Variants in ZNF292 observed in about 807,000 individuals in gnomAD.
ZNF292 encodes the protein zinc finger protein 292.
In ZNF292, 26 loss-of-function variants were observed where a neutral mutation model predicts 217.9. That is an observed-to-expected ratio of 0.12 (90% confidence interval 0.09 to 0.17). The LOEUF (loss-of-function observed/expected upper bound fraction) is 0.17. ZNF292 is among the 10% of genes least tolerant of loss of function. The probability of loss-of-function intolerance (pLI) is 1.00; values close to 1 mark genes in which losing one functional copy is unlikely to be tolerated. For synonymous variants in ZNF292, 1,257 were observed against 1,124.1 expected (o/e 1.12, Z -2.37); for missense variants, 2,904 against 3,175.2 (o/e 0.91, Z 2.05).
intron 5 of ZNF292, among the ~76,000 whole-genome samples, chr6:87,240,121 T>C (rs1000114759): frequency 6.6e-6 from 1 of 152,144 alleles, no homozygotes; most frequent in African/African-American, 2.4e-5. Context: ...AGGCCAAGGC[T>C]GGCAGATCAC....
rs1323898578 is a variant in ZNF292 at position 87,257,997 on chromosome 6, T to G, written c.4368T>G (p.Leu1456=). 16 of 1,613,832 alleles carry G rather than the reference T, an allele frequency of 9.9e-6. No individual in the cohort carries two copies. In the Admixed American group the frequency reaches 1.5e-4, roughly 15 times the overall value. ...TTAAAGATCCATCATTTCTACAGCT[T>G]CTTGCTGAAAATCGCTCGCCAGCAT... ...ACFKDPSFLQ[L]LAENRSPAFL... Residue 1456 remains leucine, a synonymous_variant, in exon 8 of 8, where the codon CTT becomes CTG. Coordinates refer to ENST00000369577, the MANE Select transcript of ZNF292 (RefSeq NM_015021.3).
intron 1 of ZNF292, among the ~76,000 whole-genome samples, chr6:87,168,597 G>C (rs1293726509): frequency 6.6e-6 from 1 of 152,120 alleles, no homozygotes; most frequent in African/African-American, 2.4e-5. Context: ...AGTCTCCCGA[G>C]TAACTGGGAT....
At chr6:87,212,015 C>A (rs546223115) in intron 1 of ZNF292, among the ~76,000 whole-genome samples, 2 of 152,292 alleles carry the variant, frequency 1.3e-5, no homozygotes, top group South Asian at 4.1e-4. Flanking sequence ...ATGCCAGTCG[C>A]AAGTACCAGG....
intron 4 of ZNF292, among the ~76,000 whole-genome samples, chr6:87,227,328 C>T (rs1435022641): frequency 2.0e-5 from 3 of 152,126 alleles, no homozygotes; most frequent in Non-Finnish European, 4.4e-5. Flanking sequence ...ACTCTCTGGG[C>T]AACCAGTATT....
At chr6:87,170,944 T>A (rs1771076378) in intron 1 of ZNF292, among the ~76,000 whole-genome samples, 1 of 152,200 alleles carries the variant, frequency 6.6e-6, no homozygotes, top group Non-Finnish European at 1.5e-5. Context: ...TAAAGTAACA[T>A]TTTCATTTAC....
chr6:87,176,371 TTG>T (rs1771292931), intron 1 of ZNF292, among the ~76,000 whole-genome samples: 1 of 152,168 alleles, frequency 6.6e-6, no homozygotes, highest in Non-Finnish European at 1.5e-5. Flanking sequence ...CAAGGCCTGT[TTG>T]TGCAGATTCT....
At chr6:87,240,327 CAGAGGGAGACCGTGGAAAGAGAGGG>C (rs993916288) in intron 5 of ZNF292, among the ~76,000 whole-genome samples, 31 of 129,974 alleles carry the variant, frequency 2.4e-4, no homozygotes, top group Non-Finnish European at 3.5e-4. Context: ...AGCTCGGCAT[CAGAGGGAGACCGTGGAAAGAGAGGG>C]AGAGGGAGAC....
At chr6:87,202,488 G>T (rs1772125635) in intron 1 of ZNF292, among the ~76,000 whole-genome samples, 1 of 152,018 alleles carries the variant, frequency 6.6e-6, no homozygotes, top group African/African-American at 2.4e-5. Context: ...GGTTCTTACT[G>T]CTTTTATTTC....
At chr6:87,172,916 T>A (rs552259808) in intron 1 of ZNF292, among the ~76,000 whole-genome samples, 63 of 145,190 alleles carry the variant, frequency 4.3e-4, no homozygotes, top group East Asian at 1.6e-3. Flanking sequence ...AAAAAAAAAA[T>A]TTTTTTTTAA....
intron 4 of ZNF292, among the ~76,000 whole-genome samples, chr6:87,221,894 T>C (rs367827342): frequency 6.6e-6 from 1 of 152,174 alleles, no homozygotes; most frequent in East Asian, 1.9e-4. Flanking sequence ...CAATTTATAC[T>C]TAAGTTAATG....
chr6:87,168,246 C>A (rs2127771983), intron 1 of ZNF292, among the ~76,000 whole-genome samples: 1 of 152,196 alleles, frequency 6.6e-6, no homozygotes, highest in Non-Finnish European at 1.5e-5. Flanking sequence ...CTTGTAGGAC[C>A]TCATCATTAC....
chr6:87,196,915 A>G (rs1293946162), intron 1 of ZNF292, among the ~76,000 whole-genome samples: 1 of 152,244 alleles, frequency 6.6e-6, no homozygotes, highest in East Asian at 1.9e-4. Context: ...CCAACAGGGA[A>G]AACAATAGAT....
Position 87,254,891 on chromosome 6 carries a change from A to C in ZNF292, c.1262A>C (p.Asn421Thr). ...NQPDQKYDEE[N>T]LPIPNSLRCE... is the part of the protein sequence containing the mutation. ...CCAGACCAGAAATATGATGAAGAGA[A>C]TCTTCCAATACCAAATTCTTTACGC... The change falls in exon 8 of 8, where the codon AAT becomes ACT. Residue 421 changes from asparagine to threonine, a missense_variant. By Grantham distance (65) the Asn-to-Thr change is moderately conservative. Around this residue, in one of 15 missense-constraint regions of ZNF292, gnomAD observed 313 missense variants for 451.0 expected, o/e 0.69. Transcript: ENST00000369577. 6.2e-7 allele frequency: 1 copy of C among 1,613,866 alleles called. No individual in the cohort carries two copies. The highest frequency in any genetic ancestry group is 8.5e-7 in the Non-Finnish European group (1 of 1,179,814).
chr6:87,218,854 C>T, intron 4 of ZNF292, 123 bp downstream of exon 4: 1 of 1,067,414 alleles, frequency 9.4e-7, no homozygotes. Flanking sequence ...TAAATATCTT[C>T]TGAGGTGTGC....
chr6:87,178,992 A>G (rs1771385173), intron 1 of ZNF292, among the ~76,000 whole-genome samples: 1 of 152,162 alleles, frequency 6.6e-6, no homozygotes, highest in Non-Finnish European at 1.5e-5. Flanking sequence ...ATTAGTTTTG[A>G]ATTTAAGTGA....
At chr6:87,240,214 T>G (rs942503919) in intron 5 of ZNF292, among the ~76,000 whole-genome samples, 2 of 152,080 alleles carry the variant, frequency 1.3e-5, no homozygotes, top group African/African-American at 4.8e-5. Flanking sequence ...CAGTCAGGCG[T>G]GGCGGCATGC....
At chr6:87,241,145 G>A (rs1157466891) in intron 5 of ZNF292, among the ~76,000 whole-genome samples, 4 of 152,100 alleles carry the variant, frequency 2.6e-5, no homozygotes, top group African/African-American at 4.8e-5. Flanking sequence ...TTAGCTGGGC[G>A]TGGTGGCACG....
intron 4 of ZNF292, among the ~76,000 whole-genome samples, chr6:87,222,415 C>G (rs1773127644): frequency 6.6e-6 from 1 of 152,122 alleles, no homozygotes; most frequent in Admixed American, 6.6e-5. Context: ...TGGTGAAAGA[C>G]CATAACAAGT....
chr6:87,182,477 C>T (rs1309209934), intron 1 of ZNF292, among the ~76,000 whole-genome samples: 1 of 152,110 alleles, frequency 6.6e-6, no homozygotes, highest in Non-Finnish European at 1.5e-5. Flanking sequence ...AAGAAAAGCA[C>T]TCCTACGCTT....
Sources: allele counts gnomAD v4.1 joint callset (sites outside exome capture counted in the v4.1 genomes callset), GRCh38; gene constraint gnomAD v4.1.1; regional missense constraint gnomAD v4.1.1; transcripts MANE v1.5; gene names NCBI Gene and HGNC (gene_info 2026-07-23, HGNC 2026-07-21).